LRMDA: variants seen among roughly 807,000 people sequenced by gnomAD.
LRMDA encodes the protein leucine rich melanocyte differentiation associated, also known as leucine-rich melanocyte differentiation-associated protein.
Under a neutral mutation model 29.8 loss-of-function variants are expected in LRMDA, and 18 were observed. The observed-to-expected ratio is 0.60, with a 90% CI of 0.42 to 0.90. LRMDA has a LOEUF of 0.90. LRMDA is among the 40% of genes least tolerant of loss of function. LRMDA has a pLI of 0.00. For missense variants in LRMDA, 273 were observed against 273.9 expected (o/e 1.00, Z 0.02); for synonymous variants, 125 against 109.4 (o/e 1.14, Z -0.89).
Position 75,924,628 on chromosome 10 carries a change from AGC to A in LRMDA, c.132-111378_132-111377del, listed in dbSNP as rs375792689. On this transcript the variant is annotated intron_variant, in intron 2 of 6. Coordinates refer to ENST00000611255, the MANE Select transcript of LRMDA (RefSeq NM_001305581.2). ...GTGGCAGAGTAGAACAGGCTGTCAG[AGC>A]GGGAAAGTGGCTTTAATACCCTGAA... Among the ~76,000 whole-genome samples, 480 of 152,252 alleles carry A rather than the reference AGC, an allele frequency of 3.2e-3. 2 individuals carry two copies. Among genetic ancestry groups the A allele is most frequent in the African/African-American group, 0.01 (434 of 41,544 alleles).
chr10:76,553,004 A>G (rs564813720), intron 6 of LRMDA, among the ~76,000 whole-genome samples: 32 of 152,328 alleles, frequency 2.1e-4, no homozygotes, highest in African/African-American at 7.7e-4. Flanking sequence ...AAAAACATGG[A>G]AAAGATAAAG....
intron 5 of LRMDA, among the ~76,000 whole-genome samples, chr10:76,166,770 C>T (rs2132186339): frequency 6.6e-6 from 1 of 152,228 alleles, no homozygotes; most frequent in East Asian, 1.9e-4. Context: ...AATAGTGCTG[C>T]AGTGAACACA....
At chr10:75,823,690 G>T (rs1844202655) in intron 2 of LRMDA, among the ~76,000 whole-genome samples, 1 of 26,700 alleles carries the variant, frequency 3.7e-5, no homozygotes, top group Non-Finnish European at 1.5e-4. Context: ...AATGTAGTGT[G>T]TGTGTGTGTG....
At chr10:75,523,779 T>C (rs1407376129) in intron 2 of LRMDA, among the ~76,000 whole-genome samples, 1 of 152,224 alleles carries the variant, frequency 6.6e-6, no homozygotes, top group Non-Finnish European at 1.5e-5. Context: ...CTTCTCCATC[T>C]GTGCCATCCT....
At chr10:75,838,158 A>G (rs995823291) in intron 2 of LRMDA, among the ~76,000 whole-genome samples, 2 of 152,244 alleles carry the variant, frequency 1.3e-5, no homozygotes, top group Non-Finnish European at 2.9e-5. Flanking sequence ...GGGAAAAGCC[A>G]GAAACCATTG....
At chr10:76,150,070 C>A (rs1850409713) in intron 5 of LRMDA, among the ~76,000 whole-genome samples, 1 of 152,210 alleles carries the variant, frequency 6.6e-6, no homozygotes, top group Non-Finnish European at 1.5e-5. Flanking sequence ...TGGGCTACTG[C>A]TGTCTCCTTG....
At chr10:76,441,206 A>G (rs760872311) in intron 6 of LRMDA, among the ~76,000 whole-genome samples, 5 of 152,118 alleles carry the variant, frequency 3.3e-5, no homozygotes, top group African/African-American at 9.7e-5. Context: ...CTGACTTAAG[A>G]TTTTGCTGTG....
chr10:75,617,101 C>T (rs1313725507), intron 2 of LRMDA, among the ~76,000 whole-genome samples: 1 of 152,176 alleles, frequency 6.6e-6, no homozygotes, highest in Non-Finnish European at 1.5e-5. Context: ...GTAGCTTTAG[C>T]AGCTATTGTG....
At chr10:76,322,439 T>C (rs1840782670) in intron 5 of LRMDA, among the ~76,000 whole-genome samples, 1 of 152,236 alleles carries the variant, frequency 6.6e-6, no homozygotes, top group African/African-American at 2.4e-5. Context: ...GATGTGAGTT[T>C]ATCAATGGAC....
intron 6 of LRMDA, among the ~76,000 whole-genome samples, chr10:76,513,293 C>G (rs1843026524): frequency 6.6e-6 from 1 of 152,082 alleles, no homozygotes. Flanking sequence ...AATACAAAAG[C>G]TAATTGGCAT....
intron 2 of LRMDA, among the ~76,000 whole-genome samples, chr10:75,784,704 A>G (rs1843443180): frequency 7.0e-6 from 1 of 142,100 alleles, no homozygotes; most frequent in African/African-American, 2.6e-5. Context: ...TCCATCTCAG[A>G]AAAAAAAAAA....
At chr10:75,622,073 C>T (rs1841195243) in intron 2 of LRMDA, among the ~76,000 whole-genome samples, 1 of 152,172 alleles carries the variant, frequency 6.6e-6, no homozygotes, top group Non-Finnish European at 1.5e-5. Context: ...GCCTACAGCT[C>T]AGGCGCAATT....
intron 2 of LRMDA, among the ~76,000 whole-genome samples, chr10:76,009,948 A>G (rs79903986): frequency 7.2e-5 from 11 of 152,018 alleles, no homozygotes; most frequent in Non-Finnish European, 7.4e-5. Context: ...GATGCCGTCA[A>G]GGTATTTTTC....
At chr10:76,229,146 A>G (rs1414531919) in intron 5 of LRMDA, among the ~76,000 whole-genome samples, 1 of 152,214 alleles carries the variant, frequency 6.6e-6, no homozygotes, top group African/African-American at 2.4e-5. Flanking sequence ...TAATATACCA[A>G]GTATGTCTTT....
chr10:76,000,607 G>A (rs930962831), intron 2 of LRMDA, among the ~76,000 whole-genome samples: 1 of 152,172 alleles, frequency 6.6e-6, no homozygotes, highest in Non-Finnish European at 1.5e-5. Context: ...GGTGAACCTC[G>A]AGTTTAGGAA....
chr10:75,818,381 T>C (rs1393289536), intron 2 of LRMDA, among the ~76,000 whole-genome samples: 4 of 152,252 alleles, frequency 2.6e-5, no homozygotes, highest in Non-Finnish European at 4.4e-5. Flanking sequence ...CTGGGAACTC[T>C]GCAGTATTTT....
chr10:75,824,954 T>C (rs11001516), intron 2 of LRMDA, among the ~76,000 whole-genome samples: 2 of 152,288 alleles, frequency 1.3e-5, no homozygotes, highest in East Asian at 3.9e-4. Flanking sequence ...TTATTTGGGG[T>C]GGTAAAGATA....
intron 6 of LRMDA, among the ~76,000 whole-genome samples, chr10:76,491,127 C>T (rs1392882949): frequency 6.6e-6 from 1 of 151,770 alleles, no homozygotes; most frequent in Non-Finnish European, 1.5e-5. Context: ...GTATTATAAT[C>T]TCTATGTCTT....
chr10:75,787,932 G>GGCA (rs1843500418), intron 2 of LRMDA, among the ~76,000 whole-genome samples: 1 of 152,222 alleles, frequency 6.6e-6, no homozygotes, highest in Admixed American at 6.5e-5. Context: ...GGGAGGCTGA[G>GGCA]GCAGGAGAAT....
Sources: gnomAD v4.1 joint callset for allele counts (sites outside exome capture counted in the v4.1 genomes callset) on GRCh38, gnomAD v4.1.1 for gene constraint, MANE v1.5 for transcripts, NCBI Gene and HGNC (gene_info 2026-07-23, HGNC 2026-07-21) for gene names.